The following DERA variants were observed in gnomAD, a reference collection of about 807,000 sequenced individuals.
The protein encoded by DERA is 2-deoxy-D-ribose 5-phosphate aldolase.
Under a neutral mutation model 41.1 loss-of-function variants are expected in DERA, and 15 were observed. That is an observed-to-expected ratio of 0.37 (90% CI 0.24 to 0.56). DERA has a LOEUF of 0.56. Among genes scored for constraint, DERA ranks in the 20% least tolerant of loss-of-function variants. DERA has a pLI of 0.81. For synonymous variants in DERA, 139 were observed against 137.4 expected (o/e 1.01, Z -0.08); for missense variants, 396 against 403.4 (o/e 0.98, Z 0.16).
rs375587718 is a variant in DERA at position 15,966,943 on chromosome 12, G to A, written c.508+3996G>A. Among the ~76,000 whole-genome samples, 3 of 152,044 alleles carry A rather than the reference G, an allele frequency of 2.0e-5. No individual in the cohort carries two copies. The highest frequency in any genetic ancestry group is 2.9e-5 in the Non-Finnish European group (2 of 68,022). On this transcript the variant is annotated intron_variant, in intron 5 of 8. Transcript: ENST00000428559. This position sits in a 1 kb window ranked among gnomAD's most constrained non-coding sequence, Gnocchi z 5.1. Reference sequence around the variant, plus strand: ...CCCGGGGCCACCTGCTCCAGAACTCGTATTCCGTTGTATCACTACACCATG... The same window carrying A: ...CCCGGGGCCACCTGCTCCAGAACTCATATTCCGTTGTATCACTACACCATG...
intron 5 of DERA, among the ~76,000 whole-genome samples, chr12:15,964,755 T>A (rs192823937): frequency 6.6e-6 from 1 of 152,350 alleles, no homozygotes; most frequent in African/African-American, 2.4e-5. Flanking sequence ...CTTACACCTT[T>A]TATTAAGCAG....
chr12:15,998,317 T>G lies in DERA; in HGVS notation c.637+15881T>G, dbSNP rs1027859385. Among the ~76,000 whole-genome samples, 6 of 134,304 alleles carry G rather than the reference T, an allele frequency of 4.5e-5. No individual in the cohort carries two copies. Among genetic ancestry groups the G allele is most frequent in the African/African-American group, 1.2e-4 (3 of 25,192 alleles). The allele number at this position is 134,304 out of a possible 152,430, so 88.1% of individuals were successfully genotyped here. On this transcript the variant is annotated intron_variant, in intron 6 of 8. Transcript: ENST00000428559. The surrounding 1 kb of genome is among the most constrained non-coding windows in gnomAD (Gnocchi z 4.8). The stretch of plus-strand genomic sequence containing the variant: ...TTAACACAGGAAGTCTTTCCTTTAT[T>G]TATTTATTTATTTATTTAGAGACGG...
At chr12:15,953,385 T>C (rs1356092841) in intron 1 of DERA, among the ~76,000 whole-genome samples, 1 of 152,108 alleles carries the variant, frequency 6.6e-6, no homozygotes, top group African/African-American at 2.4e-5. Context: ...CAAATGAAAA[T>C]GATGGAAAGT....
intron 6 of DERA, among the ~76,000 whole-genome samples, chr12:16,025,223 A>T (rs1419806379): frequency 9.9e-5 from 15 of 152,196 alleles, no homozygotes; most frequent in Admixed American, 9.8e-4. Flanking sequence ...ATCAGTAATT[A>T]GTTTAAATGT....
intron 1 of DERA, among the ~76,000 whole-genome samples, chr12:15,926,564 G>A (rs1305776134): frequency 4.0e-5 from 6 of 151,820 alleles, no homozygotes; most frequent in African/African-American, 1.2e-4. Context: ...GTGAAACAGC[G>A]TCTCTACTAA....
rs1170303589 is a variant in DERA, at chr12:15,924,089, G to A, written c.31+12675G>A. 1.3e-5 allele frequency among the ~76,000 whole-genome samples: 2 copies of A among 152,178 alleles called. No homozygotes were observed. Among genetic ancestry groups the A allele is most frequent in the African/African-American group, 2.4e-5 (1 of 41,438 alleles). Reference sequence around the variant, plus strand: ...TATTTGAATGATGTTAGCCAGGTAAGAATTCTAAAGACTGAAAATAGAGTT... The same window carrying A: ...TATTTGAATGATGTTAGCCAGGTAAAAATTCTAAAGACTGAAAATAGAGTT... On this transcript the variant is annotated intron_variant, in intron 1 of 8. Transcript: ENST00000428559. This position sits in a 1 kb window ranked among gnomAD's most constrained non-coding sequence, Gnocchi z 5.0.
chr12:16,009,853 T>A lies in DERA; in HGVS notation c.638-22689T>A, dbSNP rs1446086227. ...TTAAATATGTATCAAAAATTTAAAA[T>A]GCAGGTTTAAAAGAAAGTAGGTAAA... is the stretch of plus-strand genomic sequence containing the variant. On this transcript the variant is annotated intron_variant, in intron 6 of 8. Transcript: ENST00000428559. This position sits in a 1 kb window ranked among gnomAD's most constrained non-coding sequence, Gnocchi z 5.3. Among the ~76,000 whole-genome samples the A allele has an allele frequency of 6.6e-6, 1 of 152,194 alleles. No individual in the cohort carries two copies. The highest frequency in any genetic ancestry group is 1.5e-5 in the Non-Finnish European group (1 of 68,038).
rs1948993078 is a variant in DERA at position 16,017,775 on chromosome 12, C to T, written c.638-14767C>T. Among the ~76,000 whole-genome samples the T allele has an allele frequency of 6.6e-6, 1 of 152,166 alleles. No homozygotes were observed. The highest frequency in any genetic ancestry group is 1.5e-5 in the Non-Finnish European group (1 of 68,026). ...TGTCGGAATTACCATACGAAACTCTCTTTCTAACTTTAATCGGTAATTTCT... is the reference window on the plus strand; with the variant it reads ...TGTCGGAATTACCATACGAAACTCTTTTTCTAACTTTAATCGGTAATTTCT... On this transcript the variant is annotated intron_variant, in intron 6 of 8. Transcript: ENST00000428559. The surrounding 1 kb of genome is among the most constrained non-coding windows in gnomAD (Gnocchi z 5.5).
chr12:15,911,592 T>G lies in DERA; in HGVS notation c.31+178T>G. Reference sequence around the variant, plus strand: ...CCAAGTAAAGGCCGAACCCGGCACGTTCGCGCCGCTTGTCTTTGCACCTAA... The same window carrying G: ...CCAAGTAAAGGCCGAACCCGGCACGGTCGCGCCGCTTGTCTTTGCACCTAA... On this transcript the variant is annotated intron_variant, in intron 1 of 8. Coordinates refer to ENST00000428559, the MANE Select transcript of DERA (RefSeq NM_015954.4). The surrounding 1 kb of genome is among the most constrained non-coding windows in gnomAD (Gnocchi z 4.5). 1 of 713,576 alleles carries G rather than the reference T, an allele frequency of 1.4e-6. No individual in the cohort carries two copies. The highest frequency in any genetic ancestry group is 2.5e-6 in the Non-Finnish European group (1 of 401,044). The allele number at this position is 713,576 out of a possible 1,614,324, so 44.2% of individuals were successfully genotyped here.
At chr12:15,971,119 GGA>G (rs1948656867) in intron 5 of DERA, among the ~76,000 whole-genome samples, 1 of 151,872 alleles carries the variant, frequency 6.6e-6, no homozygotes, top group African/African-American at 2.4e-5. Flanking sequence ...CAACAGCCCC[GGA>G]TTAATAACAT....
chr12:16,005,931 A>G lies in DERA; in HGVS notation c.637+23495A>G, dbSNP rs577438686. 4.6e-5 allele frequency among the ~76,000 whole-genome samples: 7 copies of G among 152,344 alleles called. No individual in the cohort carries two copies. In the East Asian group the frequency reaches 1.4e-3, roughly 29 times the overall value. On this transcript the variant is annotated intron_variant, in intron 6 of 8. Transcript: ENST00000428559. ...ATAAGCATGCAGGTATAAGTGGTCA[A>G]TTTTAGAAAACCTTCCTTACAATCT... is the stretch of plus-strand genomic sequence containing the variant.
intron 1 of DERA, among the ~76,000 whole-genome samples, chr12:15,926,742 GAAA>G (rs71051274): frequency 8.3e-6 from 1 of 120,484 alleles, no homozygotes; most frequent in Non-Finnish European, 1.6e-5. Flanking sequence ...GTCTCAAAAA[GAAA>G]AAAAAAAAAA....
chr12:15,912,997 AGGT>A (rs1948175449), intron 1 of DERA, among the ~76,000 whole-genome samples: 1 of 152,182 alleles, frequency 6.6e-6, no homozygotes, highest in Non-Finnish European at 1.5e-5. Context: ...ATATCCTTGA[AGGT>A]GGTGGATATG....
At position 15,972,811 on chromosome 12, in the gene DERA, C is replaced by T. The variant is rs145552069; in HGVS notation, c.509-9497C>T. Among the ~76,000 whole-genome samples the T allele has an allele frequency of 1.6e-3, 241 of 152,184 alleles. 1 individual carries two copies. Among genetic ancestry groups the T allele is most frequent in the African/African-American group, 5.6e-3 (233 of 41,522 alleles). ...TCAGTGGGAGTGGTGCGGGACTCCACGATCTAGTGCTGGACTTGGAAGTTA... is the reference window on the plus strand; with the variant it reads ...TCAGTGGGAGTGGTGCGGGACTCCATGATCTAGTGCTGGACTTGGAAGTTA... On this transcript the variant is annotated intron_variant, in intron 5 of 8. Transcript: ENST00000428559. This position sits in a 1 kb window ranked among gnomAD's most constrained non-coding sequence, Gnocchi z 4.4.
At chr12:15,956,732 G>T in intron 1 of DERA, 1 of 649,062 alleles carries the variant, frequency 1.5e-6, no homozygotes, top group Non-Finnish European at 2.9e-6. Flanking sequence ...AAGTAATGGA[G>T]TGATTTTGCA....
At chr12:15,951,884 C>T (rs1948500346) in intron 1 of DERA, among the ~76,000 whole-genome samples, 4 of 152,006 alleles carry the variant, frequency 2.6e-5, no homozygotes, top group African/African-American at 9.7e-5. Context: ...ACAGTACTTA[C>T]TGATGTACCT....
rs1300978329 is a variant in DERA, at chr12:15,970,192, T to G, written c.508+7245T>G. ...ATTAAGTGTTTTACTGTACATATAA[T>G]TATCTTAAGAGTTATTTTCAGGCCA... On this transcript the variant is annotated intron_variant, in intron 5 of 8. Coordinates refer to ENST00000428559, the MANE Select transcript of DERA (RefSeq NM_015954.4). This position sits in a 1 kb window ranked among gnomAD's most constrained non-coding sequence, Gnocchi z 4.3. Among the ~76,000 whole-genome samples the G allele has an allele frequency of 3.9e-5, 6 of 152,224 alleles. No homozygotes were observed. The highest frequency in any genetic ancestry group is 1.5e-5 in the Non-Finnish European group (1 of 68,034).
At position 16,017,292 on chromosome 12, in the gene DERA, G is replaced by A. The variant is rs547350939; in HGVS notation, c.638-15250G>A. ...AAACAAGCATCATTGCTTAGTTATC[G>A]TGTTCTATTGCATTGCTAACGTGAT... On this transcript the variant is annotated intron_variant, in intron 6 of 8. Transcript: ENST00000428559. This position sits in a 1 kb window ranked among gnomAD's most constrained non-coding sequence, Gnocchi z 5.5. Among the ~76,000 whole-genome samples the A allele has an allele frequency of 7.6e-4, 116 of 152,260 alleles. 1 individual carries two copies. Among genetic ancestry groups the A allele is most frequent in the Non-Finnish European group, 1.2e-3 (84 of 68,036 alleles).
chr12:15,940,266 A>G lies in DERA; in HGVS notation c.32-16670A>G, dbSNP rs1005611095. 6.6e-6 allele frequency among the ~76,000 whole-genome samples: 1 copy of G among 152,208 alleles called. No homozygotes were observed. The highest frequency in any genetic ancestry group is 1.5e-5 in the Non-Finnish European group (1 of 68,034). On this transcript the variant is annotated intron_variant, in intron 1 of 8. Transcript: ENST00000428559. This position sits in a 1 kb window ranked among gnomAD's most constrained non-coding sequence, Gnocchi z 5.1. Reference sequence around the variant, plus strand: ...AACTGATTTTCTGTTTGAGGCATCTATGACTCTGCTATGAAACTGATATTT... The same window carrying G: ...AACTGATTTTCTGTTTGAGGCATCTGTGACTCTGCTATGAAACTGATATTT...
Sources: allele counts gnomAD v4.1 joint callset (sites outside exome capture counted in the v4.1 genomes callset), GRCh38; gene constraint gnomAD v4.1.1; non-coding constraint Gnocchi (gnomAD v3.1); transcripts MANE v1.5; gene names NCBI Gene and HGNC (gene_info 2026-07-23, HGNC 2026-07-21).